Variants in SMARCAD1 observed in about 807,000 individuals in gnomAD.
The protein encoded by SMARCAD1 is SWI/SNF-related matrix-associated actin-dependent regulator of chromatin subfamily A containing DEAD/H box 1.
SMARCAD1 carries 25 observed loss-of-function variants against 127.1 expected under a neutral mutation model. The observed-to-expected ratio is 0.20, with a 90% confidence interval of 0.14 to 0.27. The LOEUF (loss-of-function observed/expected upper bound fraction) is 0.27. Among genes scored for constraint, SMARCAD1 ranks in the 10% least tolerant of loss-of-function variants. The probability of loss-of-function intolerance (pLI) is 1.00; values close to 1 mark genes in which losing one functional copy is unlikely to be tolerated. For synonymous variants in SMARCAD1, 400 were observed against 396.9 expected (o/e 1.01, Z -0.09); for missense variants, 807 against 1,206.0 (o/e 0.67, Z 4.90).
chr4:94,274,874 TG>T lies in SMARCAD1; in HGVS notation c.1733-15del, dbSNP rs769813190. On this transcript the variant is annotated splice_polypyrimidine_tract_variant and intron_variant, in intron 13 of 23. Coordinates refer to ENST00000354268, the MANE Select transcript of SMARCAD1 (RefSeq NM_020159.5). ...GCACAATAAATAGTCATGTGTTTAT[TG>T]TTTTTAAATTCTAGGTTCTCAAGAA... is the stretch of plus-strand genomic sequence containing the variant. The T allele has an allele frequency of 1.2e-6, 2 of 1,604,382 alleles. No individual in the cohort carries two copies. The highest frequency in any genetic ancestry group is 1.7e-4 in the Middle Eastern group (1 of 5,946).
At chr4:94,226,890 G>A (rs1745106091) in intron 3 of SMARCAD1, among the ~76,000 whole-genome samples, 1 of 151,298 alleles carries the variant, frequency 6.6e-6, no homozygotes, top group South Asian at 2.1e-4. Context: ...TTTTTCTAGA[G>A]GTGGGGTCTT....
intron 9 of SMARCAD1, 132 bp downstream of exon 9, chr4:94,253,139 C>G (rs1749531919): frequency 1.3e-6 from 2 of 1,539,840 alleles, no homozygotes; most frequent in African/African-American, 2.7e-5. Flanking sequence ...TCAAACATTA[C>G]TTTCATTGTA....
chr4:94,275,754 C>T (rs1753168268), intron 14 of SMARCAD1, among the ~76,000 whole-genome samples: 1 of 150,806 alleles, frequency 6.6e-6, no homozygotes, highest in African/African-American at 2.4e-5. Context: ...TTGACCTCCT[C>T]CTGGGTATGT....
In SMARCAD1 at chr4:94,207,909, T is replaced by A. The variant is rs1166453212; in HGVS notation, c.-211T>A. ...TGCCCGCCAGCACGGCCTCCGCCGC[T>A]CCCCTTCTTTGGCCCCTTTGTGTCC... On this transcript the variant is annotated 5_prime_UTR_variant, in exon 1 of 24. Coordinates refer to ENST00000354268, the MANE Select transcript of SMARCAD1 (RefSeq NM_020159.5). 1 of 336,902 alleles carries A rather than the reference T, an allele frequency of 3.0e-6. No individual in the cohort carries two copies. The highest frequency in any genetic ancestry group is 5.8e-6 in the Non-Finnish European group (1 of 171,626). 20.9% of individuals were successfully genotyped at this position (336,902 alleles called of 1,614,324 possible).
chr4:94,261,677 T>C (rs972461842), intron 9 of SMARCAD1, among the ~76,000 whole-genome samples: 1 of 152,208 alleles, frequency 6.6e-6, no homozygotes, highest in Admixed American at 6.5e-5. Flanking sequence ...CAGTGGCGTC[T>C]TGGCTCACTG....
At chr4:94,253,233 T>A in intron 9 of SMARCAD1, 2 of 1,500,642 alleles carry the variant, frequency 1.3e-6, no homozygotes, top group Non-Finnish European at 8.9e-7. Flanking sequence ...CCAAGCTGAT[T>A]GGCTGGGAAT....
intron 23 of SMARCAD1, among the ~76,000 whole-genome samples, chr4:94,285,645 A>G (rs1754829582): frequency 6.6e-6 from 1 of 152,212 alleles, no homozygotes; most frequent in African/African-American, 2.4e-5. Flanking sequence ...TTCTGTAAAA[A>G]TCAATATACT....
intron 3 of SMARCAD1, among the ~76,000 whole-genome samples, chr4:94,233,090 T>C (rs1746102573): frequency 1.3e-5 from 2 of 152,212 alleles, no homozygotes; most frequent in African/African-American, 2.4e-5. Flanking sequence ...TGAGTACATA[T>C]AGAGAAATTG....
In SMARCAD1 at chr4:94,287,921, C is replaced by T. The variant is rs138700227; in HGVS notation, c.3020-1552C>T. 3.0e-3 allele frequency among the ~76,000 whole-genome samples: 457 copies of T among 151,898 alleles called. 5 individuals carry two copies. The highest frequency in any genetic ancestry group is 0.01 in the African/African-American group (432 of 41,414). Reference sequence around the variant, plus strand: ...TAATGCCAGCACTTGGGGAGACAGGCGGGAGGATCGTTTGAGCCCAGGAGT... The same window carrying T: ...TAATGCCAGCACTTGGGGAGACAGGTGGGAGGATCGTTTGAGCCCAGGAGT... On this transcript the variant is annotated intron_variant, in intron 23 of 23. Coordinates refer to ENST00000354268, the MANE Select transcript of SMARCAD1 (RefSeq NM_020159.5).
rs1349171012 is a variant in SMARCAD1 at position 94,273,631 on chromosome 4, T to C, written c.1587T>C (p.Thr529=). The C allele has an allele frequency of 1.9e-6, 3 of 1,613,682 alleles. No homozygotes were observed. The East Asian group carries it at 6.7e-5, about 36-fold the overall frequency. The change falls in exon 12 of 24, where the codon ACT becomes ACC. Residue 529 remains threonine (T), a synonymous_variant. Coordinates refer to ENST00000354268, the MANE Select transcript of SMARCAD1 (RefSeq NM_020159.5). ...AAACTTTTTAGGGCCTAGGAAAAAC[T>C]ATTCAAGCCATTGCATTTCTGGCAT... ...ILADEMGLGK[T]IQAIAFLAYL... is the part of the protein sequence containing the mutation.
chr4:94,260,201 C>T (rs1445305294), intron 9 of SMARCAD1, among the ~76,000 whole-genome samples: 1 of 152,072 alleles, frequency 6.6e-6, no homozygotes, highest in African/African-American at 2.4e-5. Flanking sequence ...ATGCACCCAC[C>T]AATATTATTA....
In SMARCAD1 at chr4:94,226,237, C is replaced by T. The variant is rs1459474352; in HGVS notation, c.309C>T (p.Ser103=). 6.2e-7 allele frequency: 1 copy of T among 1,613,298 alleles called. No individual in the cohort carries two copies. The highest frequency in any genetic ancestry group is 1.1e-5 in the South Asian group (1 of 91,046). ...CTTCTGATAGTGAAGATGTCGTTTC[C>T]CCAAATTGCTCCAATACAGTTCAAG... The part of the protein sequence containing the change: ...DLSSDSEDVV[S]PNCSNTVQEK... Residue 103 remains serine, a synonymous_variant, in exon 3 of 24, where the codon TCC becomes TCT. Transcript: ENST00000354268.
Position 94,289,415 on chromosome 4 carries a change from A to AT in SMARCAD1, c.3020-49dup, listed in dbSNP as rs367614432. ...CCAAAGAAAAAAAATAATTGAGACA[A>AT]TTTTTTTTTAAGTAAAATATTTTTA... On this transcript the variant is annotated intron_variant, in intron 23 of 23. Transcript: ENST00000354268. 6.9e-4 allele frequency: 988 copies of AT among 1,438,918 alleles called. 5 individuals are homozygous for AT. Among genetic ancestry groups the AT allele is most frequent in the African/African-American group, 5.9e-3 (416 of 70,446 alleles). The allele number at this position is 1,438,918 out of a possible 1,614,324, so 89.1% of individuals were successfully genotyped here.
intron 2 of SMARCAD1, among the ~76,000 whole-genome samples, chr4:94,218,548 C>T (rs1384902334): frequency 6.6e-6 from 1 of 152,196 alleles, no homozygotes; most frequent in East Asian, 1.9e-4. Flanking sequence ...CTGCCTTGGC[C>T]TCCCAAAGTG....
At chr4:94,239,181 T>C (rs1747181421) in intron 5 of SMARCAD1, among the ~76,000 whole-genome samples, 1 of 152,210 alleles carries the variant, frequency 6.6e-6, no homozygotes, top group South Asian at 2.1e-4. Flanking sequence ...AGGTAGTATA[T>C]AGAATGACAG....
intron 2 of SMARCAD1, among the ~76,000 whole-genome samples, chr4:94,218,709 GTATT>G (rs556930290): frequency 1.8e-3 from 279 of 152,072 alleles, no homozygotes; most frequent in Non-Finnish European, 3.3e-3. Flanking sequence ...CTTTTCTAGG[GTATT>G]TATTAGAGAG....
chr4:94,291,123 A>G lies in SMARCAD1; in HGVS notation c.*1589A>G, dbSNP rs1436651667. On this transcript the variant is annotated 3_prime_UTR_variant, in exon 24 of 24. Transcript: ENST00000354268. ...TTTACCTTTTAAAATCTCATAATGG[A>G]TATCTCATGTTTTCTGTATTAATGT... is the stretch of plus-strand genomic sequence containing the variant. 9 of 450,648 alleles carry G rather than the reference A, an allele frequency of 2.0e-5. No individual in the cohort carries two copies. The highest frequency in any genetic ancestry group is 6.9e-4 in the Middle Eastern group (1 of 1,440). The allele number at this position is 450,648 out of a possible 1,614,324, so 27.9% of individuals were successfully genotyped here.
At chr4:94,212,309 C>T (rs1397300360) in intron 2 of SMARCAD1, among the ~76,000 whole-genome samples, 1 of 148,418 alleles carries the variant, frequency 6.7e-6, no homozygotes, top group Non-Finnish European at 1.5e-5. Flanking sequence ...CGAGGAGCTG[C>T]GACTACAGGC....
At chr4:94,263,352 G>GT (rs1751292980) in intron 9 of SMARCAD1, among the ~76,000 whole-genome samples, 1 of 152,004 alleles carries the variant, frequency 6.6e-6, no homozygotes, top group Non-Finnish European at 1.5e-5. Context: ...GACACTGATT[G>GT]TTATCTATAC....
Sources: allele counts gnomAD v4.1 joint callset (sites outside exome capture counted in the v4.1 genomes callset), GRCh38; gene constraint gnomAD v4.1.1; transcripts MANE v1.5; gene names NCBI Gene and HGNC (gene_info 2026-07-23, HGNC 2026-07-21).